The following COPZ1 variants were observed in gnomAD, a reference collection of about 807,000 sequenced individuals.
COPZ1 encodes the protein coat protein complex I subunit zeta 1, also known as coatomer subunit zeta-1.
In COPZ1, 4 loss-of-function variants were observed where a neutral mutation model predicts 31.7. That is an observed-to-expected ratio of 0.13 (90% CI 0.06 to 0.29). The LOEUF is 0.29. COPZ1 is among the 10% of genes least tolerant of loss of function. The probability of loss-of-function intolerance (pLI) is 1.00; values close to 1 mark genes in which losing one functional copy is unlikely to be tolerated. For synonymous variants in COPZ1, 74 were observed against 79.0 expected (o/e 0.94, Z 0.33); for missense variants, 156 against 211.5 (o/e 0.74, Z 1.63).
chr12:54,349,664 A>T lies in COPZ1; in HGVS notation c.486+6A>T. ...CGGAGCAGACCGTGTCTCAGGTATGACTCTCCCTTCTTCCTTTCCAGATGG... is the reference window on the plus strand; with the variant it reads ...CGGAGCAGACCGTGTCTCAGGTATGTCTCTCCCTTCTTCCTTTCCAGATGG... On this transcript the variant is annotated splice_donor_region_variant and intron_variant, in intron 8 of 8. Coordinates refer to ENST00000262061, the MANE Select transcript of COPZ1 (RefSeq NM_016057.3). The T allele has an allele frequency of 6.2e-7, 1 of 1,608,132 alleles. No homozygotes were observed. The highest frequency in any genetic ancestry group is 8.5e-7 in the Non-Finnish European group (1 of 1,174,744).
At chr12:54,334,609 T>C (rs1391896529) in intron 1 of COPZ1, among the ~76,000 whole-genome samples, 1 of 151,732 alleles carries the variant, frequency 6.6e-6, no homozygotes, top group African/African-American at 2.4e-5. Flanking sequence ...ATCCCAGCAC[T>C]TTGGGAGGAT....
intron 4 of COPZ1, among the ~76,000 whole-genome samples, chr12:54,343,709 T>G (rs1048233306): frequency 6.6e-6 from 1 of 152,196 alleles, no homozygotes; most frequent in Non-Finnish European, 1.5e-5. Context: ...ACATTCTGAA[T>G]GGATCACTGG....
At chr12:54,347,955 G>T in intron 6 of COPZ1, 45 bp from the exon 7 acceptor site, 2 of 1,609,674 alleles carry the variant, frequency 1.2e-6, no homozygotes, top group Non-Finnish European at 1.7e-6. Context: ...AGTGAGTTGG[G>T]CCTTCGGGAC....
chr12:54,343,397 C>CT, intron 4 of COPZ1, 81 bp downstream of exon 4: 1 of 1,161,228 alleles, frequency 8.6e-7, no homozygotes, highest in Admixed American at 1.7e-5. Context: ...GTTTGGGGCC[C>CT]TAATAGAGCC....
intron 1 of COPZ1, among the ~76,000 whole-genome samples, chr12:54,338,561 A>G (rs537006269): frequency 1.3e-5 from 2 of 152,348 alleles, no homozygotes; most frequent in South Asian, 4.1e-4. Flanking sequence ...TGGTAGTAAT[A>G]TCACCCAAAG....
chr12:54,325,457 G>A (rs1953612407), intron 1 of COPZ1: 1 of 396,456 alleles, frequency 2.5e-6, no homozygotes, highest in Non-Finnish European at 4.5e-6. Flanking sequence ...TACTGGATTA[G>A]GACCCTTCAG....
At chr12:54,342,417 T>A in intron 3 of COPZ1, 130 bp downstream of exon 3, 1 of 688,776 alleles carries the variant, frequency 1.5e-6, no homozygotes, top group Admixed American at 2.4e-5. Flanking sequence ...TCCCCTTGTA[T>A]AATAAACTCT....
At position 54,348,970 on chromosome 12, in the gene COPZ1, AAATCTCCCCATTCAC is replaced by A. The variant is rs961230623; in HGVS notation, c.448-648_448-634del. The stretch of plus-strand genomic sequence containing the variant: ...GGGTGCAAAGATGTCTGAGCAAAGC[AAATCTCCCCATTCAC>A]AGAATGTCCTGGCTCTGACCTCCAC... On this transcript the variant is annotated intron_variant, in intron 7 of 8. Coordinates refer to ENST00000262061, the MANE Select transcript of COPZ1 (RefSeq NM_016057.3). 1.1e-3 allele frequency among the ~76,000 whole-genome samples: 169 copies of A among 152,270 alleles called. 1 individual carries two copies. Among genetic ancestry groups the A allele is most frequent in the African/African-American group, 4.0e-3 (166 of 41,558 alleles).
At chr12:54,345,039 T>C (rs1954039361) in intron 4 of COPZ1, 1 of 154,750 alleles carries the variant, frequency 6.5e-6, no homozygotes, top group African/African-American at 2.4e-5. Context: ...AGTCAGAGTC[T>C]AGACAGGGTC....
In COPZ1 at chr12:54,337,192, A is replaced by G. The variant is rs746002892; in HGVS notation, c.19-3355A>G. 5.6e-6 allele frequency: 3 copies of G among 533,590 alleles called. No individual in the cohort carries two copies. The Admixed American group carries it at 5.9e-5, about 10-fold the overall frequency. 33.1% of individuals were successfully genotyped at this position (533,590 alleles called of 1,614,324 possible). A position where few individuals can be genotyped will look rare whatever the true frequency, so the allele number is the denominator to read the frequency against. ...GTCTAAGTCACCCAATCTCCCACAAAACAATCTGCCTATACATCATTTCCA... is the reference window on the plus strand; with the variant it reads ...GTCTAAGTCACCCAATCTCCCACAAGACAATCTGCCTATACATCATTTCCA... On this transcript the variant is annotated intron_variant, in intron 1 of 8. Coordinates refer to ENST00000262061, the MANE Select transcript of COPZ1 (RefSeq NM_016057.3).
chr12:54,335,576 G>A (rs548796689), intron 1 of COPZ1, among the ~76,000 whole-genome samples: 3 of 150,522 alleles, frequency 2.0e-5, no homozygotes, highest in East Asian at 3.9e-4. Context: ...GCCTGGCTAA[G>A]TTTTGTAATT....
chr12:54,350,275 T>G (rs1329458855), intron 8 of COPZ1: 2 of 731,592 alleles, frequency 2.7e-6, no homozygotes, highest in Admixed American at 3.8e-5. Context: ...ATCCCCTCAG[T>G]GGGTTTGAAT....
At chr12:54,342,159 G>T in intron 2 of COPZ1, 47 bp from the exon 3 acceptor site, 1 of 1,360,404 alleles carries the variant, frequency 7.4e-7, no homozygotes, top group African/African-American at 1.4e-5. Flanking sequence ...AATCATTCTG[G>T]CTTCCAGCTC....
chr12:54,333,029 A>T (rs1419571700), intron 1 of COPZ1, among the ~76,000 whole-genome samples: 1 of 151,934 alleles, frequency 6.6e-6, no homozygotes, highest in Non-Finnish European at 1.5e-5. Context: ...AATCATAAAA[A>T]AATTATTTTT....
chr12:54,331,480 A>T (rs189776963), intron 1 of COPZ1, among the ~76,000 whole-genome samples: 4 of 151,676 alleles, frequency 2.6e-5, no homozygotes, highest in African/African-American at 4.8e-5. Context: ...CGCCCGGCCT[A>T]TTTTCTCACT....
At chr12:54,340,166 C>T (rs1252995102) in intron 1 of COPZ1, among the ~76,000 whole-genome samples, 2 of 152,072 alleles carry the variant, frequency 1.3e-5, no homozygotes, top group African/African-American at 4.8e-5. Flanking sequence ...TGTTCAGTGC[C>T]TTTTAATTAA....
At position 54,349,650 on chromosome 12, in the gene COPZ1, G is replaced by T. The variant is rs747947087; in HGVS notation, c.478G>T (p.Val160Leu). Residue 160 changes from valine to leucine, a missense_variant, in exon 8 of 9, where the codon GTG becomes TTG. Coordinates refer to ENST00000262061, the MANE Select transcript of COPZ1 (RefSeq NM_016057.3). ...AGATGTCCCCCTTACGGAGCAGACC[G>T]TGTCTCAGGTATGACTCTCCCTTCT... is the stretch of plus-strand genomic sequence containing the variant. ...GEDVPLTEQT[V>L]SQVLQSAKEQ... is the part of the protein sequence containing the mutation. 6.2e-7 allele frequency: 1 copy of T among 1,612,148 alleles called. No individual in the cohort carries two copies. The highest frequency in any genetic ancestry group is 1.3e-5 in the African/African-American group (1 of 74,866).
At chr12:54,339,408 C>T (rs965245232) in intron 1 of COPZ1, among the ~76,000 whole-genome samples, 12 of 152,126 alleles carry the variant, frequency 7.9e-5, no homozygotes, top group Admixed American at 6.5e-5. Flanking sequence ...AGTGCAGTGG[C>T]GCAGTCCTAG....
intron 1 of COPZ1, among the ~76,000 whole-genome samples, chr12:54,334,725 T>C (rs11170875): frequency 0.13 from 20,114 of 151,202 alleles, 1,538 homozygotes; most frequent in East Asian, 0.24. Flanking sequence ...GTCGTAGTGG[T>C]GGGTGCCTGT....
Sources: gnomAD v4.1 joint callset for allele counts (sites outside exome capture counted in the v4.1 genomes callset) on GRCh38, gnomAD v4.1.1 for gene constraint, MANE v1.5 for transcripts, NCBI Gene and HGNC (gene_info 2026-07-23, HGNC 2026-07-21) for gene names.